RHOQ: variants seen among roughly 807,000 people sequenced by gnomAD.
RHOQ encodes the protein ras homolog family member Q, also known as rho-related GTP-binding protein RhoQ.
A neutral mutation model predicts 25.8 loss-of-function variants in RHOQ; 7 were observed. The ratio of observed to expected loss-of-function variants is 0.27; its 90% CI spans 0.15 to 0.51. RHOQ has a LOEUF of 0.51. Among genes scored for constraint, RHOQ ranks in the 20% least tolerant of loss-of-function variants. RHOQ has a pLI of 0.97. For missense variants in RHOQ, 165 were observed against 260.6 expected, an observed-to-expected ratio of 0.63 and a Z score of 2.53; for synonymous variants, 97 against 98.6, an observed-to-expected ratio of 0.98 and a Z score of 0.10.
In RHOQ at chr2:46,576,138, C is replaced by T; in HGVS notation, c.253C>T (p.Leu85Phe). Residue 85 changes from leucine to phenylalanine, a missense_variant, in exon 3 of 5, where the codon CTT becomes TTT. Transcript: ENST00000238738. The surrounding 1 kb of genome is among the most constrained non-coding windows in gnomAD (Gnocchi z 5.1). ...PLSYPMTDVFLICFSVVNPAS... is the reference protein window; with the variant it reads ...PLSYPMTDVFFICFSVVNPAS... The stretch of plus-strand genomic sequence containing the variant: ...ATCTTACCCAATGACCGATGTCTTC[C>T]TTATATGCTTCTCGGTGGTAAATCC... The T allele has an allele frequency of 6.2e-7, 1 of 1,613,186 alleles. No individual in the cohort carries two copies. Among genetic ancestry groups the T allele is most frequent in the Non-Finnish European group, 8.5e-7 (1 of 1,179,656 alleles).
At chr2:46,551,049 G>A (rs1393167514) in intron 2 of RHOQ, among the ~76,000 whole-genome samples, 1 of 152,168 alleles carries the variant, frequency 6.6e-6, no homozygotes, top group Admixed American at 6.5e-5. Flanking sequence ...TGCCAGTGTG[G>A]ACCCCCACAC....
chr2:46,556,722 A>T lies in RHOQ; in HGVS notation c.201+12910A>T, dbSNP rs528237656. 2.0e-5 allele frequency among the ~76,000 whole-genome samples: 3 copies of T among 152,298 alleles called. No individual in the cohort carries two copies. Among genetic ancestry groups the T allele is most frequent in the Admixed American group, 2.0e-4 (3 of 15,308 alleles). On this transcript the variant is annotated intron_variant, in intron 2 of 4. Coordinates refer to ENST00000238738, the MANE Select transcript of RHOQ (RefSeq NM_012249.4). This position sits in a 1 kb window ranked among gnomAD's most constrained non-coding sequence, Gnocchi z 4.9. Reference sequence around the variant, plus strand: ...AGTTGGAAGATGAATAGAGCTGGCCAGAATGCAAGTAGAAAATGGGATGTG... The same window carrying T: ...AGTTGGAAGATGAATAGAGCTGGCCTGAATGCAAGTAGAAAATGGGATGTG...
Position 46,557,224 on chromosome 2 carries a change from C to G in RHOQ, c.201+13412C>G, listed in dbSNP as rs117072971. ...GTGATCTGATTTTATGAATTTATGC[C>G]TAGAAAACATTCAGTGTACCCAGAG... is the stretch of plus-strand genomic sequence containing the variant. On this transcript the variant is annotated intron_variant, in intron 2 of 4. Transcript: ENST00000238738. 1.4e-4 allele frequency among the ~76,000 whole-genome samples: 21 copies of G among 152,164 alleles called. No homozygotes were observed. The East Asian group carries it at 3.9e-3, about 28-fold the overall frequency.
chr2:46,550,684 T>C (rs1273282535), intron 2 of RHOQ, among the ~76,000 whole-genome samples: 4 of 152,272 alleles, frequency 2.6e-5, no homozygotes, highest in Admixed American at 2.6e-4. Flanking sequence ...TGAGCCTCTC[T>C]TCCTTCTGTG....
chr2:46,545,119 A>C lies in RHOQ; in HGVS notation c.201+1307A>C, dbSNP rs796152631. Reference sequence around the variant, plus strand: ...TCCCTGAGACCACCCCCTTTCACCAAAATGGCCCAGGTCAGTACAGCCAGT... The same window carrying C: ...TCCCTGAGACCACCCCCTTTCACCACAATGGCCCAGGTCAGTACAGCCAGT... On this transcript the variant is annotated intron_variant, in intron 2 of 4. Coordinates refer to ENST00000238738, the MANE Select transcript of RHOQ (RefSeq NM_012249.4). Among the ~76,000 whole-genome samples the C allele has an allele frequency of 3.6e-4, 55 of 152,272 alleles. 1 individual carries two copies. Among genetic ancestry groups the C allele is most frequent in the African/African-American group, 1.2e-3 (51 of 41,560 alleles).
At chr2:46,570,667 T>C (rs1184003228) in intron 2 of RHOQ, among the ~76,000 whole-genome samples, 1 of 152,186 alleles carries the variant, frequency 6.6e-6, no homozygotes, top group Admixed American at 6.5e-5. Context: ...ACAGATGTTG[T>C]AGATGAAGAT....
chr2:46,570,704 C>G lies in RHOQ; in HGVS notation c.202-5383C>G, dbSNP rs78123734. On this transcript the variant is annotated intron_variant, in intron 2 of 4. Transcript: ENST00000238738. ...ACTACTGTGTGCCTTGGAAGTGACACAGAGAATTGCTACTGCACAGACCAC... is the reference window on the plus strand; with the variant it reads ...ACTACTGTGTGCCTTGGAAGTGACAGAGAGAATTGCTACTGCACAGACCAC... Among the ~76,000 whole-genome samples, 360 of 152,316 alleles carry G rather than the reference C, an allele frequency of 2.4e-3. 8 individuals are homozygous for G. The South Asian group carries it at 0.041, about 17-fold the overall frequency.
rs776765925 is a variant in RHOQ at position 46,543,181 on chromosome 2, C to G, written c.135C>G (p.His45Gln). The G allele has an allele frequency of 6.2e-7, 1 of 1,612,252 alleles. No homozygotes were observed. The highest frequency in any genetic ancestry group is 8.5e-7 in the Non-Finnish European group (1 of 1,179,408). ...AGTACGTGCCCACCGTCTTCGACCA[C>G]TACGCAGGTAAGCCTCGGAACTGCT... The part of the protein sequence containing the change: ...PEEYVPTVFD[H>Q]YAVSVTVGGK... The change falls in exon 1 of 5, where the codon CAC becomes CAG. Residue 45 changes from histidine (H) to glutamine (Q), a missense_variant. His to Gln is a conservative substitution (Grantham distance 24). Transcript: ENST00000238738.
At chr2:46,544,155 C>A (rs1004148965) in intron 2 of RHOQ, among the ~76,000 whole-genome samples, 4 of 151,262 alleles carry the variant, frequency 2.6e-5, no homozygotes, top group Non-Finnish European at 4.4e-5. Context: ...GACCAGGTCT[C>A]CCCCCCACAG....
At chr2:46,549,783 C>G (rs1010560589) in intron 2 of RHOQ, among the ~76,000 whole-genome samples, 9 of 152,170 alleles carry the variant, frequency 5.9e-5, no homozygotes, top group Non-Finnish European at 1.0e-4. Flanking sequence ...TCCCCCGGCT[C>G]CCTGGGTAGA....
intron 2 of RHOQ, among the ~76,000 whole-genome samples, chr2:46,547,853 CCT>C (rs966621762): frequency 2.6e-5 from 4 of 152,208 alleles, no homozygotes; most frequent in Non-Finnish European, 1.5e-5. Context: ...AAGAGCTCTC[CCT>C]CTCTGTCCAG....
At chr2:46,561,589 T>C (rs370417325) in intron 2 of RHOQ, among the ~76,000 whole-genome samples, 35 of 152,200 alleles carry the variant, frequency 2.3e-4, no homozygotes, top group African/African-American at 8.4e-4. Flanking sequence ...GATGGAGAGA[T>C]TAACAGAGAA....
At chr2:46,572,839 T>C (rs1558691384) in intron 2 of RHOQ, 4 of 420,794 alleles carry the variant, frequency 9.5e-6, no homozygotes, top group Non-Finnish European at 1.9e-5. Flanking sequence ...ATTTAAAATA[T>C]ATGGCTGAAG....
chr2:46,543,983 AAAAC>A (rs1484980674), intron 2 of RHOQ, among the ~76,000 whole-genome samples, 171 bp downstream of exon 2: 1 of 152,154 alleles, frequency 6.6e-6, no homozygotes, highest in Non-Finnish European at 1.5e-5. Context: ...GAAAACAAAC[AAAAC>A]AAACAGAGCC....
At chr2:46,547,890 C>G (rs1471108497) in intron 2 of RHOQ, among the ~76,000 whole-genome samples, 1 of 152,228 alleles carries the variant, frequency 6.6e-6, no homozygotes, top group Non-Finnish European at 1.5e-5. Flanking sequence ...AGCTGCCTGG[C>G]AAGCTGCTCT....
intron 2 of RHOQ, among the ~76,000 whole-genome samples, chr2:46,561,506 A>G (rs1402422740): frequency 1.3e-5 from 2 of 152,204 alleles, no homozygotes; most frequent in Non-Finnish European, 2.9e-5. Context: ...TGATGACTGC[A>G]TGGCCAACCT....
rs181362730 is a variant in RHOQ at position 46,577,362 on chromosome 2, T to C, written c.462+706T>C. ...TATTTTTTAAATGTTGTGATTTCAATAGGACTTTTGTGGAAACAGAATCCA... is the reference window on the plus strand; with the variant it reads ...TATTTTTTAAATGTTGTGATTTCAACAGGACTTTTGTGGAAACAGAATCCA... On this transcript the variant is annotated intron_variant, in intron 4 of 4. Coordinates refer to ENST00000238738, the MANE Select transcript of RHOQ (RefSeq NM_012249.4). 6.6e-5 allele frequency among the ~76,000 whole-genome samples: 10 copies of C among 151,514 alleles called. No homozygotes were observed. The East Asian group carries it at 1.5e-3, about 23-fold the overall frequency.
In RHOQ at chr2:46,569,411, A is replaced by G. The variant is rs1668841504; in HGVS notation, c.202-6676A>G. 1 of 152,240 alleles carries G rather than the reference A, an allele frequency of 6.6e-6. No homozygotes were observed. The highest frequency in any genetic ancestry group is 2.4e-5 in the African/African-American group (1 of 41,450). The allele number at this position is 152,240 out of a possible 1,614,324, so 9.4% of individuals were successfully genotyped here. On this transcript the variant is annotated intron_variant, in intron 2 of 4. Transcript: ENST00000238738. This position sits in a 1 kb window ranked among gnomAD's most constrained non-coding sequence, Gnocchi z 4.1. ...AGAAGTGTTAGTTTGAGTGTTTTTC[A>G]TCATGTGACGTGGCGGTCTTCTAGT...
intron 2 of RHOQ, among the ~76,000 whole-genome samples, chr2:46,571,399 C>T (rs1390278167): frequency 6.6e-6 from 1 of 152,224 alleles, no homozygotes; most frequent in Non-Finnish European, 1.5e-5. Context: ...TGTCCAGGCA[C>T]ATTGTGGGCA....
Sources: gnomAD v4.1 joint callset for allele counts (sites outside exome capture counted in the v4.1 genomes callset) on GRCh38, gnomAD v4.1.1 for gene constraint, Gnocchi (gnomAD v3.1) non-coding constraint, MANE v1.5 for transcripts, NCBI Gene and HGNC (gene_info 2026-07-23, HGNC 2026-07-21) for gene names.